TEAD1: variants seen among roughly 807,000 people sequenced by gnomAD.
TEAD1 encodes transcriptional enhancer factor TEF-1.
A neutral mutation model predicts 54.9 loss-of-function variants in TEAD1; 9 were observed. That is an observed-to-expected ratio of 0.16 (90% CI 0.10 to 0.29). The LOEUF (loss-of-function observed/expected upper bound fraction) is 0.29. Ranked by LOEUF, TEAD1 falls within the 10% of genes least tolerant of loss-of-function variation. TEAD1 has a pLI of 1.00. For missense variants in TEAD1, 387 were observed against 535.9 expected (o/e 0.72, Z 2.74); for synonymous variants, 200 against 187.8 (o/e 1.07, Z -0.53).
chr11:12,894,897 C>T lies in TEAD1; in HGVS notation c.700-7043C>T, dbSNP rs546491549. ...TCCTTGCATTATCTCATTTAATATT[C>T]TTGACACTCCAGTACAGTAGGTACT... On this transcript the variant is annotated intron_variant, in intron 9 of 12. Transcript: ENST00000527636. Among the ~76,000 whole-genome samples, 10 of 152,284 alleles carry T rather than the reference C, an allele frequency of 6.6e-5. No homozygotes were observed. In the South Asian group the frequency reaches 1.7e-3, roughly 25 times the overall value.
intron 3 of TEAD1, among the ~76,000 whole-genome samples, chr11:12,838,072 C>G (rs943330786): frequency 1.3e-5 from 2 of 152,118 alleles, no homozygotes; most frequent in South Asian, 4.1e-4. Flanking sequence ...GCTGGGATTA[C>G]AGGTGTGAGC....
chr11:12,873,215 G>C (rs1947789876), intron 5 of TEAD1, among the ~76,000 whole-genome samples: 1 of 152,162 alleles, frequency 6.6e-6, no homozygotes, highest in Non-Finnish European at 1.5e-5. Context: ...CTTGAGCCTG[G>C]AGCCAGTTTA....
chr11:12,893,315 C>T (rs893737519), intron 9 of TEAD1, among the ~76,000 whole-genome samples: 2 of 152,132 alleles, frequency 1.3e-5, no homozygotes, highest in Non-Finnish European at 1.5e-5. Flanking sequence ...GAGATGATGG[C>T]TCAGTGTGGA....
At chr11:12,746,806 C>T (rs1278863162) in intron 2 of TEAD1, among the ~76,000 whole-genome samples, 1 of 152,240 alleles carries the variant, frequency 6.6e-6, no homozygotes, top group East Asian at 1.9e-4. Flanking sequence ...GGCTGAGAGC[C>T]AGGCTGCGTT....
chr11:12,720,328 TTAG>T (rs1348538118), intron 2 of TEAD1, among the ~76,000 whole-genome samples: 1 of 152,012 alleles, frequency 6.6e-6, no homozygotes, highest in African/African-American at 2.4e-5. Context: ...TGGGAAGAAA[TTAG>T]TAGAGAATGC....
intron 3 of TEAD1, among the ~76,000 whole-genome samples, chr11:12,852,088 G>T (rs1947285929): frequency 6.6e-6 from 1 of 152,214 alleles, no homozygotes; most frequent in African/African-American, 2.4e-5. Flanking sequence ...AGGTAAAAGA[G>T]AAGAGAAAGA....
Position 12,937,863 on chromosome 11 carries a change from A to G in TEAD1, c.*641A>G, listed in dbSNP as rs1016994348. ...AGAAATGCTTGGTAGAAGTGTCCTA[A>G]TGAGACAAATTTGTACTTTTATCCT... On this transcript the variant is annotated 3_prime_UTR_variant, in exon 13 of 13. Coordinates refer to ENST00000527636, the MANE Select transcript of TEAD1 (RefSeq NM_021961.6). 2.6e-5 allele frequency: 4 copies of G among 152,612 alleles called. No individual in the cohort carries two copies. The highest frequency in any genetic ancestry group is 9.7e-5 in the African/African-American group (4 of 41,438). 9.5% of individuals were successfully genotyped at this position (152,612 alleles called of 1,614,324 possible).
At chr11:12,865,077 C>G in intron 5 of TEAD1, 177 bp downstream of exon 5, 1 of 745,434 alleles carries the variant, frequency 1.3e-6, no homozygotes, top group East Asian at 2.7e-5. Context: ...TCACATTAAA[C>G]TCAATGTGTG....
At chr11:12,686,596 G>T (rs1454863728) in intron 2 of TEAD1, among the ~76,000 whole-genome samples, 1 of 152,088 alleles carries the variant, frequency 6.6e-6, no homozygotes, top group South Asian at 2.1e-4. Context: ...TATGAAATTG[G>T]GGGATTTCAG....
intron 2 of TEAD1, among the ~76,000 whole-genome samples, chr11:12,685,724 A>G (rs575629232): frequency 6.6e-6 from 1 of 152,358 alleles, no homozygotes; most frequent in South Asian, 2.1e-4. Context: ...AATGTTTACC[A>G]TGGTAACCCA....
intron 2 of TEAD1, among the ~76,000 whole-genome samples, chr11:12,684,388 T>A (rs1340876353): frequency 1.3e-5 from 2 of 152,144 alleles, no homozygotes; most frequent in Non-Finnish European, 2.9e-5. Flanking sequence ...ACTCCTAACA[T>A]TGGGGTTGGG....
At chr11:12,740,208 G>T (rs537478023) in intron 2 of TEAD1, among the ~76,000 whole-genome samples, 4 of 152,080 alleles carry the variant, frequency 2.6e-5, no homozygotes, top group Admixed American at 6.5e-5. Flanking sequence ...TTTTCTTACC[G>T]TGCCTTAGTT....
intron 3 of TEAD1, among the ~76,000 whole-genome samples, chr11:12,834,114 A>G (rs1222178089): frequency 1.3e-5 from 2 of 152,246 alleles, no homozygotes; most frequent in Non-Finnish European, 2.9e-5. Flanking sequence ...TCCAATGTGA[A>G]TAAGTGGCTG....
intron 2 of TEAD1, among the ~76,000 whole-genome samples, chr11:12,742,996 GC>G (rs1394925506): frequency 6.6e-6 from 1 of 152,200 alleles, no homozygotes; most frequent in African/African-American, 2.4e-5. Flanking sequence ...CAGCGGTGGG[GC>G]TGGGCAGTGC....
At chr11:12,745,896 G>A (rs1944738117) in intron 2 of TEAD1, among the ~76,000 whole-genome samples, 1 of 152,154 alleles carries the variant, frequency 6.6e-6, no homozygotes, top group Non-Finnish European at 1.5e-5. Flanking sequence ...TTGCACGTAC[G>A]GGATTACAGT....
At chr11:12,912,757 T>A (rs1005204608) in intron 10 of TEAD1, among the ~76,000 whole-genome samples, 3 of 152,192 alleles carry the variant, frequency 2.0e-5, no homozygotes, top group African/African-American at 7.2e-5. Context: ...CTCTTTTTTT[T>A]AAACCTTTGA....
intron 2 of TEAD1, among the ~76,000 whole-genome samples, chr11:12,727,621 T>C (rs1355266693): frequency 1.3e-5 from 2 of 152,242 alleles, no homozygotes; most frequent in East Asian, 3.8e-4. Context: ...TACTCTGTAC[T>C]GTATACCGAT....
chr11:12,692,249 C>A (rs771107614), intron 2 of TEAD1, among the ~76,000 whole-genome samples: 1 of 152,164 alleles, frequency 6.6e-6, no homozygotes, highest in Non-Finnish European at 1.5e-5. Flanking sequence ...CCCAGCAAAG[C>A]AGGGCTCATT....
intron 2 of TEAD1, among the ~76,000 whole-genome samples, chr11:12,697,806 A>G (rs563876768): frequency 5.6e-4 from 86 of 152,236 alleles, no homozygotes; most frequent in African/African-American, 2.0e-3. Context: ...GCGGATCACT[A>G]GAGCTCTGGA....
Sources: allele counts gnomAD v4.1 joint callset (sites outside exome capture counted in the v4.1 genomes callset), GRCh38; gene constraint gnomAD v4.1.1; transcripts MANE v1.5; gene names NCBI Gene and HGNC (gene_info 2026-07-23, HGNC 2026-07-21).